The following SEMA6D variants were observed in gnomAD, a reference collection of about 807,000 sequenced individuals.
The protein encoded by SEMA6D is semaphorin 6D.
A neutral mutation model predicts 106.6 loss-of-function variants in SEMA6D; 35 were observed. The ratio of observed to expected loss-of-function variants is 0.33; its 90% CI spans 0.25 to 0.44. SEMA6D has a LOEUF of 0.44. Ranked by LOEUF, SEMA6D falls within the 20% of genes least tolerant of loss-of-function variation. The pLI is 1.00. For missense variants in SEMA6D, 1,185 were observed against 1,345.9 expected (o/e 0.88, Z 1.87); for synonymous variants, 499 against 487.7 (o/e 1.02, Z -0.31).
chr15:47,416,507 A>G (rs947676032), intron 2 of SEMA6D, among the ~76,000 whole-genome samples: 54 of 152,302 alleles, frequency 3.5e-4, no homozygotes, highest in African/African-American at 1.1e-3. Context: ...TTAGCTTGAA[A>G]ATTAGTTTGA....
At position 47,611,349 on chromosome 15, in the gene SEMA6D, T is replaced by C. The variant is rs542981764; in HGVS notation, c.-55+10453T>C. On this transcript the variant is annotated intron_variant, in intron 4 of 19. Coordinates refer to the SEMA6D transcript ENST00000558014. ...AATAAATGATTTAGTTATGACAACA[T>C]GCTATCATATGTATTAAAAGATTTT... 2.1e-4 allele frequency among the ~76,000 whole-genome samples: 32 copies of C among 152,326 alleles called. No homozygotes were observed. In the East Asian group the frequency reaches 6.2e-3, roughly 29 times the overall value.
intron 4 of SEMA6D, among the ~76,000 whole-genome samples, chr15:47,667,082 T>C (rs996659164): frequency 3.3e-5 from 5 of 152,294 alleles, no homozygotes; most frequent in African/African-American, 9.6e-5. Flanking sequence ...TCCGTCAGCC[T>C]CCACGTCTTC....
At chr15:47,724,299 A>T (rs2079601161) in intron 1 of SEMA6D, among the ~76,000 whole-genome samples, 1 of 152,268 alleles carries the variant, frequency 6.6e-6, no homozygotes. Flanking sequence ...TCTACTCTGT[A>T]CAAGTGGGTA....
chr15:47,353,167 C>T (rs1397985890), intron 1 of SEMA6D, among the ~76,000 whole-genome samples: 1 of 152,032 alleles, frequency 6.6e-6, no homozygotes, highest in Non-Finnish European at 1.5e-5. Context: ...ACCCCAAGGG[C>T]CTCACAAAAG....
At position 47,706,916 on chromosome 15, in the gene SEMA6D, C is replaced by G. The variant is rs137889178; in HGVS notation, c.-54-52829C>G. Among the ~76,000 whole-genome samples, 4 of 152,208 alleles carry G rather than the reference C, an allele frequency of 2.6e-5. No homozygotes were observed. In the South Asian group the frequency reaches 6.2e-4, roughly 24 times the overall value. ...AAGCACCCTGACCATTAACTAATAC[C>G]GTGATGCTCACGATATCCATACTCA... On this transcript the variant is annotated intron_variant, in intron 4 of 19. Coordinates refer to the SEMA6D transcript ENST00000558014.
intron 2 of SEMA6D, among the ~76,000 whole-genome samples, chr15:47,433,771 A>G (rs1251094933): frequency 6.6e-6 from 1 of 152,084 alleles, no homozygotes; most frequent in Non-Finnish European, 1.5e-5. Flanking sequence ...TTCCTGGATA[A>G]CTCTTAGTCT....
intron 1 of SEMA6D, chr15:47,359,800 C>G (rs76755397): frequency 6.6e-6 from 1 of 152,178 alleles, no homozygotes; most frequent in Admixed American, 6.5e-5. Context: ...TCCAATCTTA[C>G]GGAAGGTGAC....
At chr15:47,339,903 A>G (rs2037741233) in intron 1 of SEMA6D, among the ~76,000 whole-genome samples, 1 of 151,812 alleles carries the variant, frequency 6.6e-6, no homozygotes, top group Admixed American at 6.6e-5. Context: ...AAAAAGAGAA[A>G]GAGAGAGGAA....
chr15:47,347,318 T>G (rs2038086767), intron 1 of SEMA6D, among the ~76,000 whole-genome samples: 1 of 152,224 alleles, frequency 6.6e-6, no homozygotes, highest in South Asian at 2.1e-4. Flanking sequence ...CCTCACATAC[T>G]TGATACTTCC....
At chr15:47,338,570 T>A (rs1274276465) in intron 1 of SEMA6D, among the ~76,000 whole-genome samples, 1 of 152,246 alleles carries the variant, frequency 6.6e-6, no homozygotes, top group East Asian at 1.9e-4. Context: ...AAAGAAAGAT[T>A]GAAGGTAGGC....
At chr15:47,283,189 C>T (rs1032248175) in intron 1 of SEMA6D, among the ~76,000 whole-genome samples, 1 of 152,044 alleles carries the variant, frequency 6.6e-6, no homozygotes, top group Non-Finnish European at 1.5e-5. Flanking sequence ...ATTCCTAAGC[C>T]CTCTAAACCC....
chr15:47,721,616 C>A (rs2079428003), intron 1 of SEMA6D, among the ~76,000 whole-genome samples: 1 of 152,202 alleles, frequency 6.6e-6, no homozygotes, highest in African/African-American at 2.4e-5. Context: ...CACCTGACAA[C>A]ACTGGCAGTG....
At chr15:47,617,020 G>T (rs572624709) in intron 4 of SEMA6D, among the ~76,000 whole-genome samples, 1 of 152,270 alleles carries the variant, frequency 6.6e-6, no homozygotes, top group East Asian at 1.9e-4. Context: ...ACTTGCAGCA[G>T]CAAACTTAGC....
chr15:47,600,459 A>G (rs74014022), intron 3 of SEMA6D, among the ~76,000 whole-genome samples: 13,312 of 152,138 alleles, frequency 0.087, 873 homozygotes, highest in African/African-American at 0.18. Context: ...GCCCAAACAA[A>G]TGTTTCTCTT....
chr15:47,353,648 T>A, intron 1 of SEMA6D, among the ~76,000 whole-genome samples: 1 of 152,160 alleles, frequency 6.6e-6, no homozygotes, highest in East Asian at 1.9e-4. Context: ...TATCTGATCT[T>A]CCCAGCTTGA....
At chr15:47,279,452 T>A (rs1172025524) in intron 1 of SEMA6D, among the ~76,000 whole-genome samples, 3 of 147,728 alleles carry the variant, frequency 2.0e-5, no homozygotes, top group South Asian at 2.2e-4. Context: ...TTTCTAGATA[T>A]ACAATCATGT....
chr15:47,591,271 C>T (rs1003718761), intron 3 of SEMA6D, among the ~76,000 whole-genome samples: 2 of 152,218 alleles, frequency 1.3e-5, no homozygotes, highest in Non-Finnish European at 2.9e-5. Context: ...ATAACCTACA[C>T]ACCTCCTGAA....
At chr15:47,272,718 C>T (rs951991695) in intron 1 of SEMA6D, 3 of 152,500 alleles carry the variant, frequency 2.0e-5, no homozygotes, top group Non-Finnish European at 4.4e-5. Context: ...TGCATCCCTC[C>T]CAAAGCTGTG....
chr15:47,628,082 A>G (rs144115043), intron 4 of SEMA6D, among the ~76,000 whole-genome samples: 67 of 152,102 alleles, frequency 4.4e-4, no homozygotes, highest in Middle Eastern at 6.8e-3. Flanking sequence ...CTAATCCCAC[A>G]CACTAGATTA....
Sources: allele counts gnomAD v4.1 joint callset (sites outside exome capture counted in the v4.1 genomes callset), GRCh38; gene constraint gnomAD v4.1.1; transcripts MANE v1.5; gene names NCBI Gene and HGNC (gene_info 2026-07-23, HGNC 2026-07-21).